Variants in ERBB4 observed in about 807,000 individuals in gnomAD.
ERBB4 encodes erb-b2 receptor tyrosine kinase 4.
In ERBB4, 42 loss-of-function variants were observed where a neutral mutation model predicts 158.0. The ratio of observed to expected loss-of-function variants is 0.27; its 90% CI spans 0.21 to 0.34. The LOEUF is 0.34. ERBB4 is among the 10% of genes least tolerant of loss of function. The pLI is 1.00. For synonymous variants in ERBB4, 583 were observed against 558.7 expected (o/e 1.04, Z -0.61); for missense variants, 1,333 against 1,624.1 (o/e 0.82, Z 3.08).
chr2:211,981,730 T>C (rs2081802719), intron 2 of ERBB4, among the ~76,000 whole-genome samples: 1 of 152,166 alleles, frequency 6.6e-6, no homozygotes, highest in South Asian at 2.1e-4. Flanking sequence ...CATTTTATCT[T>C]TTGCTACCAC....
At chr2:211,511,257 T>C (rs1189826478) in intron 20 of ERBB4, among the ~76,000 whole-genome samples, 2 of 152,064 alleles carry the variant, frequency 1.3e-5, no homozygotes, top group African/African-American at 4.8e-5. Context: ...TTATCTAGCA[T>C]TGTATTTTTC....
intron 1 of ERBB4, among the ~76,000 whole-genome samples, chr2:212,242,113 C>T (rs2084130237): frequency 6.6e-6 from 1 of 151,860 alleles, no homozygotes; most frequent in South Asian, 2.1e-4. Flanking sequence ...TCAATCTCAA[C>T]ATAACAAGAT....
chr2:211,459,396 A>G (rs532112558), intron 20 of ERBB4, among the ~76,000 whole-genome samples: 12 of 152,320 alleles, frequency 7.9e-5, no homozygotes, highest in South Asian at 4.1e-4. Context: ...AAAATGGATC[A>G]AAACCAAAAG....
At chr2:211,445,611 C>A (rs568893021) in intron 20 of ERBB4, among the ~76,000 whole-genome samples, 8 of 152,062 alleles carry the variant, frequency 5.3e-5, no homozygotes, top group Non-Finnish European at 8.8e-5. Context: ...TAGGGACGTA[C>A]AAAAAGATAA....
At chr2:211,704,632 A>G (rs551616204) in intron 10 of ERBB4, among the ~76,000 whole-genome samples, 2 of 152,304 alleles carry the variant, frequency 1.3e-5, no homozygotes, top group African/African-American at 4.8e-5. Flanking sequence ...TGGGTCCCAT[A>G]TTACCTATAA....
chr2:212,088,715 A>G (rs1282249106), intron 2 of ERBB4, among the ~76,000 whole-genome samples: 2 of 152,182 alleles, frequency 1.3e-5, no homozygotes, highest in African/African-American at 4.8e-5. Context: ...CTAACAAGTG[A>G]AAAGACACAT....
intron 2 of ERBB4, among the ~76,000 whole-genome samples, chr2:212,106,121 A>C (rs1459911535): frequency 3.9e-5 from 6 of 152,296 alleles, no homozygotes; most frequent in African/African-American, 1.4e-4. Flanking sequence ...AAGATACCTT[A>C]AAATGTGGAA....
chr2:211,591,626 G>C (rs73076990), intron 19 of ERBB4, among the ~76,000 whole-genome samples: 2,015 of 152,288 alleles, frequency 0.013, 29 homozygotes, highest in African/African-American at 0.036. Flanking sequence ...CATGTAATAG[G>C]TACCGCTATT....
chr2:212,477,715 A>C (rs1689477296), intron 1 of ERBB4, among the ~76,000 whole-genome samples: 1 of 152,066 alleles, frequency 6.6e-6, no homozygotes, highest in Non-Finnish European at 1.5e-5. Flanking sequence ...CAGAGGCGAG[A>C]TGAAGGTAAT....
intron 3 of ERBB4, among the ~76,000 whole-genome samples, chr2:211,944,777 C>G (rs994922290): frequency 1.3e-5 from 2 of 152,028 alleles, no homozygotes; most frequent in South Asian, 2.1e-4. Flanking sequence ...GGGCCCCACC[C>G]CCAGAGTTTC....
intron 1 of ERBB4, among the ~76,000 whole-genome samples, chr2:212,472,358 T>C (rs1233905170): frequency 6.6e-6 from 1 of 151,828 alleles, no homozygotes; most frequent in Non-Finnish European, 1.5e-5. Context: ...GAAATGTAAA[T>C]AAATTGCCCC....
At chr2:211,903,298 A>G (rs1204402287) in intron 3 of ERBB4, among the ~76,000 whole-genome samples, 3 of 152,102 alleles carry the variant, frequency 2.0e-5, no homozygotes, top group Non-Finnish European at 4.4e-5. Context: ...TAAATTAAAT[A>G]TCATATTGAA....
At chr2:211,955,292 A>C (rs192311212) in intron 2 of ERBB4, among the ~76,000 whole-genome samples, 1 of 151,942 alleles carries the variant, frequency 6.6e-6, no homozygotes, top group African/African-American at 2.4e-5. Flanking sequence ...CTCTCAACCC[A>C]TGACTTCTTA....
chr2:211,843,436 C>A (rs1559566489), intron 3 of ERBB4, among the ~76,000 whole-genome samples: 2 of 151,882 alleles, frequency 1.3e-5, no homozygotes, highest in Non-Finnish European at 2.9e-5. Context: ...CACACACACA[C>A]AGCATCAAAC....
intron 14 of ERBB4, among the ~76,000 whole-genome samples, chr2:211,666,180 C>T (rs2071621391): frequency 6.6e-6 from 1 of 152,046 alleles, no homozygotes; most frequent in Admixed American, 6.6e-5. Context: ...CACTAAAAGT[C>T]ATATTATGTC....
At chr2:211,992,307 G>A (rs2082091834) in intron 2 of ERBB4, among the ~76,000 whole-genome samples, 1 of 152,066 alleles carries the variant, frequency 6.6e-6, no homozygotes, top group South Asian at 2.1e-4. Context: ...AGCAGCAAGA[G>A]TAAATGAGGA....
At chr2:211,802,191 G>A (rs889585420) in intron 3 of ERBB4, among the ~76,000 whole-genome samples, 2 of 152,042 alleles carry the variant, frequency 1.3e-5, no homozygotes, top group South Asian at 2.1e-4. Context: ...CTCGGGAGGC[G>A]GAGCTTGCAG....
chr2:211,572,473 C>A (rs567176285), intron 19 of ERBB4, among the ~76,000 whole-genome samples: 1 of 152,134 alleles, frequency 6.6e-6, no homozygotes, highest in Admixed American at 6.5e-5. Context: ...ATGATGACAA[C>A]GGGCTACGAC....
At chr2:211,678,819 T>C (rs1290158178) in intron 13 of ERBB4, among the ~76,000 whole-genome samples, 9 of 151,142 alleles carry the variant, frequency 6.0e-5, no homozygotes. Flanking sequence ...TACAAAAAAT[T>C]AGCCGGGCAT....
Sources: allele counts gnomAD v4.1 joint callset (sites outside exome capture counted in the v4.1 genomes callset), GRCh38; gene constraint gnomAD v4.1.1; transcripts MANE v1.5; gene names NCBI Gene and HGNC (gene_info 2026-07-23, HGNC 2026-07-21).